Variants in MEF2C observed in about 807,000 individuals in gnomAD.
MEF2C encodes myocyte enhancer factor 2C.
In MEF2C, 6 loss-of-function variants were observed where a neutral mutation model predicts 50.5. The ratio of observed to expected loss-of-function variants is 0.12; its 90% CI spans 0.07 to 0.23. The LOEUF (loss-of-function observed/expected upper bound fraction) is 0.23, where lower values mean the gene tolerates loss of function less well. MEF2C is among the 10% of genes least tolerant of loss of function. The pLI is 1.00. For synonymous variants in MEF2C, 183 were observed against 228.0 expected (o/e 0.80, Z 1.78); for missense variants, 276 against 605.0 (o/e 0.46, Z 5.70).
At chr5:88,862,520 T>C (rs1825845670) in intron 1 of MEF2C, among the ~76,000 whole-genome samples, 1 of 152,198 alleles carries the variant, frequency 6.6e-6, no homozygotes, top group African/African-American at 2.4e-5. Context: ...TTGTCTTTCT[T>C]TAGTTTTATT....
chr5:88,881,669 A>T (rs920288550), intron 1 of MEF2C, among the ~76,000 whole-genome samples: 1 of 151,320 alleles, frequency 6.6e-6, no homozygotes, highest in Non-Finnish European at 1.5e-5. Flanking sequence ...CCACATAAAC[A>T]TCTTTACTCT....
chr5:88,785,031 TAC>T (rs1235055062), intron 3 of MEF2C, among the ~76,000 whole-genome samples: 3 of 152,136 alleles, frequency 2.0e-5, no homozygotes, highest in Non-Finnish European at 4.4e-5. Flanking sequence ...AGAGTCGATG[TAC>T]ACAGATACAA....
At chr5:88,797,596 C>T (rs1018194719) in intron 3 of MEF2C, among the ~76,000 whole-genome samples, 48 of 150,998 alleles carry the variant, frequency 3.2e-4, no homozygotes, top group Middle Eastern at 3.4e-3. Context: ...TTGACTCTAT[C>T]CAATTTGCCA....
intron 6 of MEF2C, among the ~76,000 whole-genome samples, chr5:88,745,121 A>G (rs1353173099): frequency 6.6e-6 from 1 of 152,226 alleles, no homozygotes; most frequent in Admixed American, 6.5e-5. Context: ...CTTCATGGCT[A>G]GAAGATCTAT....
At chr5:88,742,362 A>G (rs1277814220) in intron 6 of MEF2C, 1 of 985,074 alleles carries the variant, frequency 1.0e-6, no homozygotes. Flanking sequence ...CAAATTCTGA[A>G]TAAAACTAGT....
intron 9 of MEF2C, 27 bp from the exon 10 acceptor site, chr5:88,728,655 GA>G: frequency 7.5e-7 from 1 of 1,326,178 alleles, no homozygotes; most frequent in Non-Finnish European, 9.8e-7. Context: ...AACAACAAGG[GA>G]AAATATTAAA....
At chr5:88,869,318 C>CACATAT (rs1828771865) in intron 1 of MEF2C, among the ~76,000 whole-genome samples, 1 of 80,854 alleles carries the variant, frequency 1.2e-5, no homozygotes, top group Non-Finnish European at 2.6e-5. Context: ...TATATATACA[C>CACATAT]ATATAGCTTC....
chr5:88,895,604 G>A (rs114476917), intron 1 of MEF2C, among the ~76,000 whole-genome samples: 284 of 152,212 alleles, frequency 1.9e-3, no homozygotes, highest in Non-Finnish European at 3.1e-3. Context: ...TAGCATATGC[G>A]CAGTTGTGAT....
intron 5 of MEF2C, among the ~76,000 whole-genome samples, chr5:88,749,822 A>G (rs1309578393): frequency 6.6e-6 from 1 of 152,174 alleles, no homozygotes; most frequent in Non-Finnish European, 1.5e-5. Flanking sequence ...CGAGGTCAGG[A>G]GATAGAGACC....
intron 6 of MEF2C, chr5:88,739,159 G>A (rs938232663): frequency 2.0e-5 from 20 of 982,688 alleles, no homozygotes; most frequent in Middle Eastern, 5.2e-4. Flanking sequence ...GTTGTTACCC[G>A]GGAAATAACT....
At chr5:88,752,862 A>G (rs1470278678) in intron 4 of MEF2C, 5 of 642,476 alleles carry the variant, frequency 7.8e-6, no homozygotes, top group African/African-American at 2.0e-5. Flanking sequence ...AGATGAACAT[A>G]GGAACATAAT....
intron 1 of MEF2C, among the ~76,000 whole-genome samples, chr5:88,844,406 A>G (rs751148888): frequency 6.6e-6 from 1 of 152,368 alleles, no homozygotes; most frequent in African/African-American, 2.4e-5. Flanking sequence ...TTAAAATATT[A>G]TATGTCAAAG....
chr5:88,837,921 C>T (rs1815810182), intron 1 of MEF2C, among the ~76,000 whole-genome samples: 1 of 152,166 alleles, frequency 6.6e-6, no homozygotes, highest in Non-Finnish European at 1.5e-5. Context: ...CTCTAATCCT[C>T]AAAACAGCCT....
intron 6 of MEF2C, chr5:88,740,308 C>T (rs990962516): frequency 1.3e-5 from 13 of 982,364 alleles, no homozygotes; most frequent in Non-Finnish European, 1.6e-5. Flanking sequence ...GAGCTTTTAA[C>T]GTACAGCACA....
At chr5:88,781,075 G>GT (rs1787766137) in intron 3 of MEF2C, among the ~76,000 whole-genome samples, 2 of 151,818 alleles carry the variant, frequency 1.3e-5, no homozygotes, top group Non-Finnish European at 2.9e-5. Context: ...TTGACTCCTA[G>GT]TTTTTTTCCT....
At chr5:88,846,895 G>C (rs2153364785) in intron 1 of MEF2C, among the ~76,000 whole-genome samples, 1 of 152,292 alleles carries the variant, frequency 6.6e-6, no homozygotes, top group East Asian at 1.9e-4. Flanking sequence ...TTTGAAAATT[G>C]AACCATTTTT....
intron 2 of MEF2C, among the ~76,000 whole-genome samples, chr5:88,817,628 T>C (rs1444803403): frequency 2.0e-5 from 3 of 151,982 alleles, no homozygotes; most frequent in African/African-American, 7.2e-5. Context: ...GATAATTACA[T>C]GAAGTTTTGT....
intron 1 of MEF2C, among the ~76,000 whole-genome samples, chr5:88,876,063 GTTTTT>G (rs33921751): frequency 8.2e-6 from 1 of 122,634 alleles, no homozygotes; most frequent in Non-Finnish European, 1.7e-5. Context: ...AGTAACTGGA[GTTTTT>G]TTTTTTTTTT....
chr5:88,861,009 T>C (rs569098178), intron 1 of MEF2C, among the ~76,000 whole-genome samples: 1 of 152,284 alleles, frequency 6.6e-6, no homozygotes, highest in East Asian at 1.9e-4. Flanking sequence ...GAAATGCCGA[T>C]AATTTAGAAA....
Sources: allele counts gnomAD v4.1 joint callset (sites outside exome capture counted in the v4.1 genomes callset), GRCh38; gene constraint gnomAD v4.1.1; transcripts MANE v1.5; gene names NCBI Gene and HGNC (gene_info 2026-07-23, HGNC 2026-07-21).